Variants in ZCCHC17 observed in about 807,000 individuals in gnomAD.
ZCCHC17 encodes the protein zinc finger CCHC-type containing 17, also known as zinc finger CCHC domain-containing protein 17.
Under a neutral mutation model 30.6 loss-of-function variants are expected in ZCCHC17, and 18 were observed. That is an observed-to-expected ratio of 0.59 (90% confidence interval 0.41 to 0.87). ZCCHC17 has a LOEUF of 0.87. Among genes scored for constraint, ZCCHC17 ranks in the 40% least tolerant of loss-of-function variants. The probability of loss-of-function intolerance (pLI) is 0.00; values close to 1 mark genes in which losing one functional copy is unlikely to be tolerated. For synonymous variants in ZCCHC17, 88 were observed against 92.4 expected (o/e 0.95, Z 0.27); for missense variants, 263 against 284.2 (o/e 0.93, Z 0.54).
intron 6 of ZCCHC17, among the ~76,000 whole-genome samples, chr1:31,347,786 A>T (rs879439677): frequency 9.2e-5 from 14 of 151,976 alleles, no homozygotes; most frequent in Non-Finnish European, 1.9e-4. Flanking sequence ...ATTTTTAAAA[A>T]TTTTTTGTAG....
intron 3 of ZCCHC17, among the ~76,000 whole-genome samples, chr1:31,325,207 A>G (rs1312059352): frequency 6.6e-6 from 1 of 152,234 alleles, no homozygotes; most frequent in Non-Finnish European, 1.5e-5. Flanking sequence ...GCCTGTGGAA[A>G]GGAGCTACCT....
At chr1:31,320,026 G>A (rs1452366351) in intron 3 of ZCCHC17, among the ~76,000 whole-genome samples, 1 of 152,054 alleles carries the variant, frequency 6.6e-6, no homozygotes, top group African/African-American at 2.4e-5. Flanking sequence ...AATACAAAGG[G>A]GGTATTAGGA....
chr1:31,342,290 C>A (rs763084177), intron 5 of ZCCHC17, among the ~76,000 whole-genome samples: 1 of 152,050 alleles, frequency 6.6e-6, no homozygotes, highest in African/African-American at 2.4e-5. Context: ...AGTGATCCCC[C>A]GCCTCAGCCT....
intron 7 of ZCCHC17, among the ~76,000 whole-genome samples, chr1:31,351,950 A>C (rs1639484637): frequency 6.6e-6 from 1 of 152,114 alleles, no homozygotes; most frequent in Non-Finnish European, 1.5e-5. Context: ...GCTATTCTTG[A>C]CTTTTTCTCT....
intron 1 of ZCCHC17, among the ~76,000 whole-genome samples, chr1:31,298,639 C>A: frequency 6.6e-6 from 1 of 152,192 alleles, no homozygotes; most frequent in East Asian, 1.9e-4. Flanking sequence ...CCTGCCTCAG[C>A]CTCCCAAAAT....
In ZCCHC17 at chr1:31,310,052, T is replaced by G; in HGVS notation, c.-47T>G. On this transcript the variant is annotated 5_prime_UTR_variant, in exon 2 of 8. Coordinates refer to ENST00000344147, the MANE Select transcript of ZCCHC17 (RefSeq NM_016505.4). ...TGATTTCTTTATGACAGGACACTTG[T>G]ATTAGCTTTAATAGAAGAGAAATGG... 2 of 1,588,520 alleles carry G rather than the reference T, an allele frequency of 1.3e-6. No homozygotes were observed. The highest frequency in any genetic ancestry group is 1.1e-5 in the South Asian group (1 of 89,376).
intron 3 of ZCCHC17, among the ~76,000 whole-genome samples, chr1:31,336,621 A>G (rs1475160675): frequency 6.6e-6 from 1 of 152,182 alleles, no homozygotes; most frequent in Admixed American, 6.5e-5. Flanking sequence ...TTGGCCTTGC[A>G]AAGTGTTGGG....
chr1:31,358,543 A>G (rs777894310), intron 7 of ZCCHC17, among the ~76,000 whole-genome samples: 4 of 152,204 alleles, frequency 2.6e-5, no homozygotes, highest in African/African-American at 7.2e-5. Flanking sequence ...TTTTGAAGAT[A>G]TAAGAGCAGG....
At chr1:31,345,024 ATT>A (rs546042719) in intron 5 of ZCCHC17, among the ~76,000 whole-genome samples, 37 of 134,656 alleles carry the variant, frequency 2.7e-4, no homozygotes, top group African/African-American at 5.1e-4. Flanking sequence ...ATGCCTGGCT[ATT>A]TTTTTTTTTT....
intron 2 of ZCCHC17, among the ~76,000 whole-genome samples, chr1:31,314,169 A>G (rs558722268): frequency 1.3e-5 from 2 of 152,194 alleles, no homozygotes; most frequent in African/African-American, 4.8e-5. Context: ...CTGGCCACCT[A>G]CAGCTTTCTT....
rs571216872 is a variant in ZCCHC17, at chr1:31,342,112, C to A, written c.317+3064C>A. On this transcript the variant is annotated intron_variant, in intron 5 of 7. Transcript: ENST00000344147. The stretch of plus-strand genomic sequence containing the variant: ...CCAGGCTGGAGTGTAGTGGTACAAT[C>A]GTGGCTCACTGCAACTCTGCCTCCT... Among the ~76,000 whole-genome samples the A allele has an allele frequency of 3.3e-5, 5 of 152,216 alleles. No individual in the cohort carries two copies. In the South Asian group the frequency reaches 1.0e-3, roughly 32 times the overall value.
At chr1:31,340,106 G>A (rs1020136015) in intron 5 of ZCCHC17, among the ~76,000 whole-genome samples, 2 of 150,816 alleles carry the variant, frequency 1.3e-5, no homozygotes, top group African/African-American at 2.4e-5. Flanking sequence ...ACAGGCATGC[G>A]CCACCACACC....
intron 6 of ZCCHC17, among the ~76,000 whole-genome samples, chr1:31,348,602 AGTGTTCCCC>A (rs1639358165): frequency 6.6e-6 from 1 of 152,220 alleles, no homozygotes; most frequent in Non-Finnish European, 1.5e-5. Flanking sequence ...GAACAGTACC[AGTGTTCCCC>A]ACAGCCCTGA....
At chr1:31,297,546 C>T (rs1646195279) in intron 1 of ZCCHC17, among the ~76,000 whole-genome samples, 2 of 152,204 alleles carry the variant, frequency 1.3e-5, no homozygotes, top group Admixed American at 1.3e-4. Context: ...TGAACGTGGT[C>T]ATTGCCTCAG....
intron 1 of ZCCHC17, among the ~76,000 whole-genome samples, chr1:31,302,807 G>A (rs1002952362): frequency 9.9e-5 from 15 of 152,178 alleles, no homozygotes; most frequent in South Asian, 6.2e-4. Flanking sequence ...ATCAGATCTC[G>A]TGAAAACTCT....
chr1:31,316,802 A>G (rs1355831321), intron 2 of ZCCHC17, among the ~76,000 whole-genome samples: 1 of 152,194 alleles, frequency 6.6e-6, no homozygotes, highest in African/African-American at 2.4e-5. Flanking sequence ...GTTCATTAGT[A>G]TAAAACATGA....
intron 2 of ZCCHC17, chr1:31,318,149 T>A: frequency 6.5e-7 from 1 of 1,529,816 alleles, no homozygotes; most frequent in Non-Finnish European, 8.7e-7. Flanking sequence ...ATTGTTTTAT[T>A]TACTCCCCTT....
intron 1 of ZCCHC17, chr1:31,297,299 C>G (rs1302283420): frequency 1.3e-5 from 5 of 397,192 alleles, no homozygotes; most frequent in Non-Finnish European, 2.2e-5. Context: ...CGGCTCCCTT[C>G]TTCAAGAGCG....
At chr1:31,329,905 A>G (rs929928854) in intron 3 of ZCCHC17, among the ~76,000 whole-genome samples, 4 of 152,134 alleles carry the variant, frequency 2.6e-5, no homozygotes, top group African/African-American at 4.8e-5. Context: ...TAACGCTTGG[A>G]TATATTTTTG....
Sources: gnomAD v4.1 joint callset for allele counts (sites outside exome capture counted in the v4.1 genomes callset) on GRCh38, gnomAD v4.1.1 for gene constraint, MANE v1.5 for transcripts, NCBI Gene and HGNC (gene_info 2026-07-23, HGNC 2026-07-21) for gene names.